Variants in PLPPR1 observed in about 807,000 individuals in gnomAD.
The protein encoded by PLPPR1 is phospholipid phosphatase related 1.
Under a neutral mutation model 33.1 loss-of-function variants are expected in PLPPR1, and 10 were observed. The ratio of observed to expected loss-of-function variants is 0.30; its 90% CI spans 0.19 to 0.51. PLPPR1 has a LOEUF of 0.51. Ranked by LOEUF, PLPPR1 falls within the 20% of genes least tolerant of loss-of-function variation. The probability of loss-of-function intolerance (pLI) is 0.97; values close to 1 mark genes in which losing one functional copy is unlikely to be tolerated. For synonymous variants in PLPPR1, 151 were observed against 151.0 expected (o/e 1.00, Z 0.00); for missense variants, 304 against 408.1 (o/e 0.74, Z 2.20).
intron 1 of PLPPR1, among the ~76,000 whole-genome samples, chr9:101,169,357 T>C (rs1401351987): frequency 6.6e-6 from 1 of 152,148 alleles, no homozygotes; most frequent in Admixed American, 6.6e-5. Flanking sequence ...GGCCATTTTT[T>C]TTTCTAGTGG....
chr9:101,239,803 T>C (rs975072723), intron 2 of PLPPR1, among the ~76,000 whole-genome samples: 4 of 152,056 alleles, frequency 2.6e-5, no homozygotes, highest in African/African-American at 9.7e-5. Context: ...GGATATCCCC[T>C]TGTTAGATGA....
At chr9:101,230,581 C>T (rs988942832) in intron 2 of PLPPR1, among the ~76,000 whole-genome samples, 2 of 152,064 alleles carry the variant, frequency 1.3e-5, no homozygotes, top group Non-Finnish European at 2.9e-5. Context: ...GGTTTTCTAG[C>T]ACTATCTATG....
chr9:101,304,334 A>G (rs1476699902), intron 4 of PLPPR1, among the ~76,000 whole-genome samples: 2 of 152,210 alleles, frequency 1.3e-5, no homozygotes, highest in Non-Finnish European at 2.9e-5. Context: ...GTTAATCTCT[A>G]AAGTTTCTTC....
chr9:101,138,518 A>T (rs887481570), intron 1 of PLPPR1, among the ~76,000 whole-genome samples: 10 of 152,224 alleles, frequency 6.6e-5, no homozygotes, highest in African/African-American at 2.2e-4. Context: ...GAGATGCAGG[A>T]TAGATAGGAC....
At chr9:101,119,408 A>G (rs750981078) in intron 1 of PLPPR1, among the ~76,000 whole-genome samples, 4 of 152,192 alleles carry the variant, frequency 2.6e-5, no homozygotes, top group Non-Finnish European at 5.9e-5. Flanking sequence ...AGATATGGCC[A>G]GTGGAGGGCA....
intron 2 of PLPPR1, among the ~76,000 whole-genome samples, chr9:101,212,634 T>C (rs1826711567): frequency 6.6e-6 from 1 of 152,234 alleles, no homozygotes; most frequent in Non-Finnish European, 1.5e-5. Context: ...GTTGTCAGTA[T>C]ATAACTATAG....
Position 101,062,128 on chromosome 9 carries a change from T to A in PLPPR1, c.-46+33026T>A, listed in dbSNP as rs533890656. 2.6e-5 allele frequency among the ~76,000 whole-genome samples: 4 copies of A among 151,708 alleles called. No individual in the cohort carries two copies. The South Asian group carries it at 8.3e-4, about 32-fold the overall frequency. On this transcript the variant is annotated intron_variant, in intron 1 of 7. Coordinates refer to ENST00000374874, the MANE Select transcript of PLPPR1 (RefSeq NM_207299.2). ...TCTTTTGCAAGTATTTCTGGGGCAT[T>A]CACAGTTAATGACAAAATGTGGTGT...
intron 1 of PLPPR1, among the ~76,000 whole-genome samples, chr9:101,127,257 C>G (rs1437051131): frequency 6.6e-6 from 1 of 152,180 alleles, no homozygotes; most frequent in Non-Finnish European, 1.5e-5. Context: ...CTTTGTCACC[C>G]CATGTTGGGT....
chr9:101,124,109 T>C (rs1831212502), intron 1 of PLPPR1, among the ~76,000 whole-genome samples: 1 of 152,230 alleles, frequency 6.6e-6, no homozygotes, highest in Admixed American at 6.5e-5. Context: ...CCTCTTTTAA[T>C]TGAGCAAGGC....
intron 7 of PLPPR1, chr9:101,322,675 T>C (rs1041788467): frequency 6.6e-6 from 1 of 152,166 alleles, no homozygotes; most frequent in African/African-American, 2.4e-5. Context: ...GCTTAATAGT[T>C]AAAACTAATT....
chr9:101,031,326 T>C (rs1305989244), intron 1 of PLPPR1, among the ~76,000 whole-genome samples: 10 of 152,180 alleles, frequency 6.6e-5, no homozygotes, highest in African/African-American at 2.4e-4. Context: ...TTTACAAGGA[T>C]TTATTGACCA....
At chr9:101,276,564 G>C (rs1828200454) in intron 3 of PLPPR1, among the ~76,000 whole-genome samples, 1 of 152,082 alleles carries the variant, frequency 6.6e-6, no homozygotes, top group Non-Finnish European at 1.5e-5. Context: ...GATTTTCAAT[G>C]CATTTTACTT....
intron 2 of PLPPR1, among the ~76,000 whole-genome samples, chr9:101,214,433 CAT>C (rs764205575): frequency 2.0e-5 from 3 of 151,822 alleles, no homozygotes; most frequent in Non-Finnish European, 4.4e-5. Context: ...CACACACACA[CAT>C]ATACACACAC....
chr9:101,310,500 C>A (rs77498727), intron 5 of PLPPR1, among the ~76,000 whole-genome samples: 2 of 152,190 alleles, frequency 1.3e-5, no homozygotes, highest in Non-Finnish European at 2.9e-5. Flanking sequence ...AACCCACCCC[C>A]CAGGGAGATG....
At chr9:101,159,654 G>A (rs1000358611) in intron 1 of PLPPR1, among the ~76,000 whole-genome samples, 1 of 152,158 alleles carries the variant, frequency 6.6e-6, no homozygotes, top group Non-Finnish European at 1.5e-5. Flanking sequence ...CTAAAAGAGA[G>A]ACCAGTTAGA....
intron 1 of PLPPR1, among the ~76,000 whole-genome samples, chr9:101,029,880 A>T (rs1182998423): frequency 6.6e-6 from 1 of 152,216 alleles, no homozygotes; most frequent in Non-Finnish European, 1.5e-5. Context: ...CGGCGGCGGC[A>T]GTGGGAAGAC....
At chr9:101,158,752 T>C (rs998100736) in intron 1 of PLPPR1, among the ~76,000 whole-genome samples, 14 of 152,214 alleles carry the variant, frequency 9.2e-5, no homozygotes, top group African/African-American at 3.4e-4. Flanking sequence ...TAGCCTGCAT[T>C]GCAGGTGACT....
chr9:101,292,041 GA>G (rs1017209084), intron 4 of PLPPR1, among the ~76,000 whole-genome samples: 39 of 151,924 alleles, frequency 2.6e-4, no homozygotes, highest in African/African-American at 9.2e-4. Context: ...TGAAAACTTT[GA>G]AAAAAATGTA....
intron 1 of PLPPR1, among the ~76,000 whole-genome samples, chr9:101,072,602 G>T (rs1377916504): frequency 6.6e-6 from 1 of 152,194 alleles, no homozygotes; most frequent in East Asian, 1.9e-4. Context: ...GATGCATTCA[G>T]TAGATGCTGG....
Sources: allele counts gnomAD v4.1 joint callset (sites outside exome capture counted in the v4.1 genomes callset), GRCh38; gene constraint gnomAD v4.1.1; transcripts MANE v1.5; gene names NCBI Gene and HGNC (gene_info 2026-07-23, HGNC 2026-07-21).